DGKB: variants seen among roughly 807,000 people sequenced by gnomAD.
DGKB encodes the protein 90 kDa diacylglycerol kinase.
Under a neutral mutation model 114.3 loss-of-function variants are expected in DGKB, and 67 were observed. The ratio of observed to expected loss-of-function variants is 0.59; its 90% CI spans 0.48 to 0.72. The LOEUF is 0.72. Ranked by LOEUF, DGKB falls within the 30% of genes least tolerant of loss-of-function variation. The probability of loss-of-function intolerance (pLI) is 0.00; values close to 1 mark genes in which losing one functional copy is unlikely to be tolerated. For missense variants in DGKB, 907 were observed against 975.2 expected, an observed-to-expected ratio of 0.93 and a Z score of 0.93; for synonymous variants, 398 against 323.1, an observed-to-expected ratio of 1.23 and a Z score of -2.49.
intron 23 of DGKB, among the ~76,000 whole-genome samples, chr7:14,299,628 T>C (rs1276588383): frequency 6.6e-6 from 1 of 152,084 alleles, no homozygotes; most frequent in Non-Finnish European, 1.5e-5. Context: ...CCCATAGTGA[T>C]AACATTTTCT....
intron 12 of DGKB, among the ~76,000 whole-genome samples, chr7:14,673,658 ATATG>A (rs1819375619): frequency 6.6e-6 from 1 of 152,086 alleles, no homozygotes; most frequent in South Asian, 2.1e-4. Context: ...TTATTTTTTA[ATATG>A]TATGAGCCCA....
chr7:14,371,811 T>C (rs1817702884), intron 21 of DGKB, among the ~76,000 whole-genome samples: 1 of 152,178 alleles, frequency 6.6e-6, no homozygotes, highest in Non-Finnish European at 1.5e-5. Context: ...ACATTGACAT[T>C]ACTTAGCAAT....
chr7:14,643,905 G>C (rs1030261034), intron 13 of DGKB, among the ~76,000 whole-genome samples: 1 of 152,104 alleles, frequency 6.6e-6, no homozygotes, highest in African/African-American at 2.4e-5. Flanking sequence ...CAATAGTGGG[G>C]CTGCTGCGCA....
chr7:14,467,436 A>C (rs1780646265), intron 21 of DGKB, among the ~76,000 whole-genome samples: 1 of 151,260 alleles, frequency 6.6e-6, no homozygotes, highest in Non-Finnish European at 1.5e-5. Context: ...ATAAAATATA[A>C]AATATAAGTA....
chr7:14,488,355 A>C (rs754368327), intron 20 of DGKB, among the ~76,000 whole-genome samples: 1 of 152,186 alleles, frequency 6.6e-6, no homozygotes, highest in Non-Finnish European at 1.5e-5. Context: ...AAGCTTCAGA[A>C]ACAAACTTGT....
chr7:14,597,101 G>C (rs1802710188), intron 17 of DGKB, among the ~76,000 whole-genome samples: 2 of 151,990 alleles, frequency 1.3e-5, no homozygotes, highest in Non-Finnish European at 2.9e-5. Context: ...ACAGCTACTC[G>C]GGAGGCTGAG....
At chr7:14,407,717 C>A (rs1331385892) in intron 21 of DGKB, among the ~76,000 whole-genome samples, 1 of 151,928 alleles carries the variant, frequency 6.6e-6, no homozygotes, top group Non-Finnish European at 1.5e-5. Flanking sequence ...ACGGCAAAAT[C>A]TTTGGTTAAG....
chr7:14,660,314 G>A (rs1228886920), intron 13 of DGKB, among the ~76,000 whole-genome samples: 2 of 151,594 alleles, frequency 1.3e-5, no homozygotes, highest in East Asian at 2.0e-4. Flanking sequence ...AATGGTACCA[G>A]TTCCTCCTTG....
At chr7:14,319,084 C>A (rs1807213172) in intron 23 of DGKB, among the ~76,000 whole-genome samples, 2 of 144,480 alleles carry the variant, frequency 1.4e-5, no homozygotes, top group African/African-American at 2.6e-5. Context: ...GGGAATTGAA[C>A]AATGAGATCA....
intron 21 of DGKB, among the ~76,000 whole-genome samples, chr7:14,388,782 A>G (rs1484728746): frequency 6.6e-6 from 1 of 152,186 alleles, no homozygotes; most frequent in Admixed American, 6.5e-5. Flanking sequence ...ACCATTTCCA[A>G]AAACATTTAC....
At chr7:14,840,572 C>A (rs1847785068) in intron 2 of DGKB, among the ~76,000 whole-genome samples, 1 of 152,128 alleles carries the variant, frequency 6.6e-6, no homozygotes, top group Non-Finnish European at 1.5e-5. Context: ...TAGCCTATCA[C>A]TTGTATCAAT....
chr7:14,622,320 C>G (rs1438909288), intron 14 of DGKB, among the ~76,000 whole-genome samples: 1 of 152,146 alleles, frequency 6.6e-6, no homozygotes, highest in Non-Finnish European at 1.5e-5. Context: ...GCTTCTCCAG[C>G]TTTGCCACCT....
chr7:14,203,657 C>T (rs2128292956), intron 23 of DGKB, among the ~76,000 whole-genome samples: 1 of 152,038 alleles, frequency 6.6e-6, no homozygotes, highest in East Asian at 1.9e-4. Flanking sequence ...ATGGCATCTT[C>T]TTGAATTTTA....
intron 12 of DGKB, among the ~76,000 whole-genome samples, chr7:14,675,118 C>CA (rs1819623365): frequency 1.3e-5 from 2 of 152,080 alleles, no homozygotes; most frequent in Admixed American, 6.6e-5. Flanking sequence ...GAACCCTCTA[C>CA]AAAAAACAGA....
chr7:14,522,725 A>G (rs1458307227), intron 20 of DGKB, among the ~76,000 whole-genome samples: 3 of 152,202 alleles, frequency 2.0e-5, no homozygotes, highest in African/African-American at 7.2e-5. Flanking sequence ...ATTCTGGAGC[A>G]AAGAATTACT....
At chr7:14,510,266 G>T (rs1787793556) in intron 20 of DGKB, among the ~76,000 whole-genome samples, 1 of 152,176 alleles carries the variant, frequency 6.6e-6, no homozygotes, top group African/African-American at 2.4e-5. Flanking sequence ...ATCCACAGGA[G>T]ATCTTTCAAA....
At chr7:14,206,461 G>A (rs139129154) in intron 23 of DGKB, among the ~76,000 whole-genome samples, 42 of 152,102 alleles carry the variant, frequency 2.8e-4, no homozygotes, top group African/African-American at 9.6e-4. Context: ...CCTAGAAACC[G>A]TTCAGTATGG....
At chr7:14,549,784 C>G (rs1045980816) in intron 20 of DGKB, among the ~76,000 whole-genome samples, 22 of 152,038 alleles carry the variant, frequency 1.4e-4, no homozygotes, top group African/African-American at 4.8e-4. Flanking sequence ...GTCAAGAGAT[C>G]GAGACCATCC....
chr7:14,945,871 T>A (rs988960127), intron 1 of DGKB, among the ~76,000 whole-genome samples: 2 of 151,638 alleles, frequency 1.3e-5, no homozygotes, highest in South Asian at 2.1e-4. Flanking sequence ...AATTAAAAAA[T>A]TTTATTTATA....
Sources: gnomAD v4.1 joint callset for allele counts (sites outside exome capture counted in the v4.1 genomes callset) on GRCh38, gnomAD v4.1.1 for gene constraint, MANE v1.5 for transcripts, NCBI Gene and HGNC (gene_info 2026-07-23, HGNC 2026-07-21) for gene names.